ARHGEF3: variants seen among roughly 807,000 people sequenced by gnomAD.
ARHGEF3 encodes 59.8 kDA protein.
Under a neutral mutation model 63.2 loss-of-function variants are expected in ARHGEF3, and 28 were observed. The ratio of observed to expected loss-of-function variants is 0.44; its 90% CI spans 0.33 to 0.61. ARHGEF3 has a LOEUF of 0.61. ARHGEF3 is among the 20% of genes least tolerant of loss of function. The pLI is 0.03. For missense variants in ARHGEF3, 533 were observed against 659.3 expected (o/e 0.81, Z 2.10); for synonymous variants, 266 against 254.2 (o/e 1.05, Z -0.44).
intron 4 of ARHGEF3, among the ~76,000 whole-genome samples, chr3:56,876,683 A>C (rs146965998): frequency 1.1e-5 from 1 of 87,402 alleles, no homozygotes; most frequent in East Asian, 8.8e-4. Context: ...CAGCAAAACA[A>C]AAAAAAAAAT....
intron 1 of ARHGEF3, chr3:57,075,084 G>T (rs1264780519): frequency 6.0e-6 from 1 of 167,078 alleles, no homozygotes; most frequent in Non-Finnish European, 1.5e-5. Context: ...CCATATGCAT[G>T]GAATGAGGTT....
At chr3:56,881,983 T>A (rs953236380) in intron 4 of ARHGEF3, among the ~76,000 whole-genome samples, 1 of 152,264 alleles carries the variant, frequency 6.6e-6, no homozygotes, top group Non-Finnish European at 1.5e-5. Flanking sequence ...TTCCATCTTC[T>A]GGAACCAGCC....
At chr3:56,820,577 G>A (rs2038448410) in intron 4 of ARHGEF3, among the ~76,000 whole-genome samples, 1 of 152,142 alleles carries the variant, frequency 6.6e-6, no homozygotes, top group African/African-American at 2.4e-5. Flanking sequence ...GCTGAGGCAA[G>A]AGATCACTTG....
chr3:56,817,126 C>T (rs905941279), intron 4 of ARHGEF3, among the ~76,000 whole-genome samples: 8 of 152,170 alleles, frequency 5.3e-5, no homozygotes, highest in East Asian at 1.9e-4. Flanking sequence ...GGGAGAACCA[C>T]CAAAATATCA....
intron 1 of ARHGEF3, among the ~76,000 whole-genome samples, chr3:57,053,320 C>T (rs1408485124): frequency 1.3e-5 from 2 of 152,048 alleles, no homozygotes; most frequent in African/African-American, 4.8e-5. Flanking sequence ...GAGCAATCAC[C>T]GCTGCCCACA....
intron 3 of ARHGEF3, among the ~76,000 whole-genome samples, chr3:56,946,125 T>C (rs908890845): frequency 6.6e-6 from 1 of 152,174 alleles, no homozygotes; most frequent in African/African-American, 2.4e-5. Context: ...AAACCCCATC[T>C]GTACGTCACC....
In ARHGEF3 at chr3:56,879,314, A is replaced by G. The variant is rs149755979; in HGVS notation, c.192+2978T>C. 4.6e-3 allele frequency among the ~76,000 whole-genome samples: 696 copies of G among 152,316 alleles called. 5 individuals are homozygous for G. Among genetic ancestry groups the G allele is most frequent in the African/African-American group, 0.016 (663 of 41,576 alleles). ...GCTATAGGGCACTTACTTTTTAATC[A>G]AAGGGGGACATAGTCTGTGTTAATA... On this transcript the variant is annotated intron_variant, in intron 4 of 12. Transcript: ENST00000338458.
chr3:56,741,459 CAGGCA>C (rs2034019748), intron 7 of ARHGEF3, among the ~76,000 whole-genome samples: 1 of 144,824 alleles, frequency 6.9e-6, no homozygotes, highest in Admixed American at 7.0e-5. Context: ...GCTGGGATTA[CAGGCA>C]TGAGCCACTG....
In ARHGEF3 at chr3:56,727,886, A is replaced by G. The variant is rs2032833252; in HGVS notation, c.*1384T>C. Reference sequence around the variant, plus strand: ...AATGCACATGATATATGTACATAATAAAATGACATCAATGCATTTACTGCT... The same window carrying G: ...AATGCACATGATATATGTACATAATGAAATGACATCAATGCATTTACTGCT... On this transcript the variant is annotated 3_prime_UTR_variant, in exon 10 of 10. Transcript: ENST00000296315. The G allele has an allele frequency of 6.6e-6, 1 of 152,652 alleles. No homozygotes were observed. The highest frequency in any genetic ancestry group is 1.5e-5 in the Non-Finnish European group (1 of 68,050). 9.5% of individuals were successfully genotyped at this position (152,652 alleles called of 1,614,324 possible).
chr3:56,972,479 T>C (rs1700955662), intron 2 of ARHGEF3, among the ~76,000 whole-genome samples: 1 of 152,126 alleles, frequency 6.6e-6, no homozygotes, highest in Non-Finnish European at 1.5e-5. Flanking sequence ...GTTCCTCTTC[T>C]CTCAGAGCTT....
At chr3:57,007,340 A>G (rs1702508202) in intron 2 of ARHGEF3, 1 of 1,289,768 alleles carries the variant, frequency 7.8e-7, no homozygotes, top group East Asian at 5.5e-5. Flanking sequence ...AACAGCCCTG[A>G]AGGAAAGACA....
At chr3:56,905,843 A>G (rs1320689898) in intron 3 of ARHGEF3, among the ~76,000 whole-genome samples, 2 of 152,222 alleles carry the variant, frequency 1.3e-5, no homozygotes, top group South Asian at 4.1e-4. Context: ...TACGGGAGCC[A>G]CTAGGTACAT....
chr3:57,066,219 C>G (rs1011061639), intron 1 of ARHGEF3, among the ~76,000 whole-genome samples: 19 of 151,954 alleles, frequency 1.3e-4, no homozygotes, highest in African/African-American at 4.3e-4. Context: ...GTTCTCCTAT[C>G]TGTACCAACA....
chr3:56,912,875 C>T (rs775412346), intron 3 of ARHGEF3, among the ~76,000 whole-genome samples: 6 of 152,122 alleles, frequency 3.9e-5, no homozygotes, highest in South Asian at 2.1e-4. Context: ...CAGTGGCCTG[C>T]GTCTATAATC....
At position 56,854,232 on chromosome 3, in the gene ARHGEF3, G is replaced by A. The variant is rs528208589; in HGVS notation, c.192+28060C>T. Among the ~76,000 whole-genome samples, 8 of 152,092 alleles carry A rather than the reference G, an allele frequency of 5.3e-5. No individual in the cohort carries two copies. The South Asian group carries it at 1.5e-3, about 28-fold the overall frequency. On this transcript the variant is annotated intron_variant, in intron 4 of 12. Coordinates refer to the ARHGEF3 transcript ENST00000338458. ...AAAAAAACAATTAGGCACAAAAAGG[G>A]TGAGGACAAAGGAAAGAAAAGAAAG... is the stretch of plus-strand genomic sequence containing the variant.
chr3:57,053,493 T>C (rs1446385879), intron 1 of ARHGEF3, among the ~76,000 whole-genome samples: 1 of 152,192 alleles, frequency 6.6e-6, no homozygotes, highest in East Asian at 1.9e-4. Flanking sequence ...GTTTCCCCAA[T>C]ATACACACCA....
intron 1 of ARHGEF3, chr3:56,775,036 T>C: frequency 6.4e-7 from 1 of 1,551,200 alleles, no homozygotes. Context: ...CTGTAGTAGA[T>C]GCTAGACAGC....
intron 1 of ARHGEF3, among the ~76,000 whole-genome samples, chr3:57,069,654 T>C (rs1456116781): frequency 6.6e-6 from 1 of 152,214 alleles, no homozygotes; most frequent in Non-Finnish European, 1.5e-5. Context: ...TAAGCTTTTT[T>C]TTTTCTTTTG....
At chr3:56,859,976 C>A (rs1385218447) in intron 4 of ARHGEF3, among the ~76,000 whole-genome samples, 1 of 151,744 alleles carries the variant, frequency 6.6e-6, no homozygotes, top group Admixed American at 6.6e-5. Context: ...GCCTGGGTAA[C>A]ATGGCGAAAC....
Sources: allele counts gnomAD v4.1 joint callset (sites outside exome capture counted in the v4.1 genomes callset), GRCh38; gene constraint gnomAD v4.1.1; transcripts MANE v1.5; gene names NCBI Gene and HGNC (gene_info 2026-07-23, HGNC 2026-07-21).